The following RALGPS1 variants were observed in gnomAD, a reference collection of about 807,000 sequenced individuals.
RALGPS1 encodes the protein Ral GEF with PH domain and SH3 binding motif 1, also known as ras-specific guanine nucleotide-releasing factor RalGPS1.
Under a neutral mutation model 78.8 loss-of-function variants are expected in RALGPS1, and 19 were observed. That is an observed-to-expected ratio of 0.24 (90% CI 0.17 to 0.35). The LOEUF is 0.35. Ranked by LOEUF, RALGPS1 falls within the 10% of genes least tolerant of loss-of-function variation. RALGPS1 has a pLI of 1.00. For missense variants in RALGPS1, 454 were observed against 688.3 expected (o/e 0.66, Z 3.81); for synonymous variants, 228 against 256.3 (o/e 0.89, Z 1.06).
intron 8 of RALGPS1, among the ~76,000 whole-genome samples, chr9:127,137,421 G>A (rs1162480609): frequency 1.3e-5 from 2 of 152,250 alleles, no homozygotes; most frequent in Non-Finnish European, 2.9e-5. Context: ...CACATGGAGA[G>A]GCTGAGTGAC....
chr9:126,995,501 C>G (rs550873355), intron 4 of RALGPS1, among the ~76,000 whole-genome samples: 34 of 152,308 alleles, frequency 2.2e-4, no homozygotes, highest in Admixed American at 7.8e-4. Flanking sequence ...TATATATGCA[C>G]CCAATACTGG....
chr9:126,920,009 T>A (rs1340395243), intron 1 of RALGPS1, among the ~76,000 whole-genome samples: 1 of 152,190 alleles, frequency 6.6e-6, no homozygotes, highest in Non-Finnish European at 1.5e-5. Context: ...CTCCTATTTG[T>A]ACTCCCTTGA....
rs1287326985 is a variant in RALGPS1, at chr9:127,183,543, T to C, written c.910+8761T>C. On this transcript the variant is annotated intron_variant, in intron 11 of 18. Coordinates refer to ENST00000259351, the MANE Select transcript of RALGPS1 (RefSeq NM_014636.3). The surrounding 1 kb of genome is among the most constrained non-coding windows in gnomAD (Gnocchi z 4.0). ...ACAGACCTGCCTGTGGCCACCGCTG[T>C]CTTCTGGCACAGCCGTTTGGCCTCA... 6.6e-6 allele frequency among the ~76,000 whole-genome samples: 1 copy of C among 152,174 alleles called. No homozygotes were observed. Among genetic ancestry groups the C allele is most frequent in the African/African-American group, 2.4e-5 (1 of 41,442 alleles).
intron 1 of RALGPS1, among the ~76,000 whole-genome samples, chr9:126,952,648 A>AGTGTGTGTGTGTGTGT (rs1370007469): frequency 1.3e-5 from 1 of 75,528 alleles, no homozygotes. Context: ...AGAGAGAGAG[A>AGTGTGTGTGTGTGTGT]GAGAGAGAGT....
chr9:127,164,644 A>G (rs1002457017), intron 8 of RALGPS1, among the ~76,000 whole-genome samples: 1 of 150,244 alleles, frequency 6.7e-6, no homozygotes, highest in African/African-American at 2.5e-5. Flanking sequence ...GGCTCAAGCA[A>G]TCCTCCTGCT....
intron 6 of RALGPS1, among the ~76,000 whole-genome samples, chr9:127,050,378 G>A (rs1177123539): frequency 6.6e-6 from 1 of 152,092 alleles, no homozygotes; most frequent in African/African-American, 2.4e-5. Flanking sequence ...AATTTTAGTG[G>A]CCAGCCATTC....
At chr9:127,026,361 A>G (rs1025422989) in intron 4 of RALGPS1, among the ~76,000 whole-genome samples, 1 of 152,196 alleles carries the variant, frequency 6.6e-6, no homozygotes, top group Non-Finnish European at 1.5e-5. Context: ...CACTGACTCA[A>G]ATGTTAATCT....
chr9:127,188,423 A>G (rs979368577), intron 11 of RALGPS1, among the ~76,000 whole-genome samples: 4 of 152,112 alleles, frequency 2.6e-5, no homozygotes, highest in African/African-American at 9.7e-5. Context: ...TGTGAAGTCT[A>G]AGCCACAAAC....
intron 8 of RALGPS1, among the ~76,000 whole-genome samples, chr9:127,134,011 C>G (rs187476249): frequency 2.0e-4 from 30 of 150,468 alleles, no homozygotes; most frequent in East Asian, 5.9e-4. Context: ...CTCGCTCCCC[C>G]CCCCGTGAAT....
At chr9:126,998,686 A>G (rs1003104779) in intron 4 of RALGPS1, among the ~76,000 whole-genome samples, 8 of 152,188 alleles carry the variant, frequency 5.3e-5, no homozygotes, top group South Asian at 2.1e-4. Context: ...CCAAAGGACT[A>G]TAAATCATGC....
intron 8 of RALGPS1, among the ~76,000 whole-genome samples, chr9:127,135,432 C>G (rs1053642249): frequency 2.0e-5 from 3 of 152,168 alleles, no homozygotes; most frequent in Non-Finnish European, 2.9e-5. Flanking sequence ...GGCTGCTGTA[C>G]CAAGCAAGGG....
Position 126,942,948 on chromosome 9 carries a change from G to A in RALGPS1, c.-65-19277G>A, listed in dbSNP as rs187582234. ...GGATATTTTTCTCTTTTGTTAGTGG[G>A]CTCTTGGGCCATTACGCTTTCTAGC... On this transcript the variant is annotated intron_variant, in intron 1 of 18. Coordinates refer to ENST00000259351, the MANE Select transcript of RALGPS1 (RefSeq NM_014636.3). Among the ~76,000 whole-genome samples the A allele has an allele frequency of 1.5e-4, 23 of 152,000 alleles. No homozygotes were observed. In the South Asian group the frequency reaches 4.2e-3, roughly 27 times the overall value.
In RALGPS1 at chr9:127,093,683, G is replaced by A. The variant is rs750276713; in HGVS notation, c.610+24327G>A. On this transcript the variant is annotated intron_variant, in intron 8 of 18. Transcript: ENST00000259351. ...ATTGGTTGCTCAGGCCTCTCTTGGG[G>A]TGGGCCAGTCACCTTGTGGGCAGCA... 7 of 1,600,902 alleles carry A rather than the reference G, an allele frequency of 4.4e-6. No homozygotes were observed. The Admixed American group carries it at 6.7e-5, about 15-fold the overall frequency.
Position 126,977,748 on chromosome 9 carries a change from C to CTT in RALGPS1, c.216+4_216+5insTT. ...TGTTTAAAGCTATCCAGCCGGAGGTCTGTACTTTGTCTTTCTACTCTTCTA... is the reference window on the plus strand; with the variant it reads ...TGTTTAAAGCTATCCAGCCGGAGGTCTTTGTACTTTGTCTTTCTACTCTTCTA... On this transcript the variant is annotated splice_donor_region_variant and intron_variant, in intron 4 of 18. Transcript: ENST00000259351. 1 of 1,597,914 alleles carries CTT rather than the reference C, an allele frequency of 6.3e-7. No individual in the cohort carries two copies. The highest frequency in any genetic ancestry group is 8.5e-7 in the Non-Finnish European group (1 of 1,169,858).
At chr9:126,941,130 GC>G (rs11434207) in intron 1 of RALGPS1, among the ~76,000 whole-genome samples, 36 of 150,268 alleles carry the variant, frequency 2.4e-4, no homozygotes, top group Middle Eastern at 3.4e-3. Flanking sequence ...TCTCATATAC[GC>G]CCCCCCCCTT....
At chr9:127,068,640 G>C (rs983158548) in intron 7 of RALGPS1, among the ~76,000 whole-genome samples, 2 of 152,132 alleles carry the variant, frequency 1.3e-5, no homozygotes, top group Non-Finnish European at 2.9e-5. Flanking sequence ...GCCCTGGAGG[G>C]TTCTTGGCTT....
intron 11 of RALGPS1, among the ~76,000 whole-genome samples, chr9:127,180,274 A>G (rs184074842): frequency 1.3e-5 from 2 of 152,338 alleles, no homozygotes; most frequent in East Asian, 3.9e-4. Context: ...ACCAACTGAC[A>G]GGTTTTCTCA....
intron 11 of RALGPS1, 95 bp from the exon 12 acceptor site, chr9:127,194,996 A>C: frequency 6.7e-7 from 1 of 1,493,674 alleles, no homozygotes; most frequent in Non-Finnish European, 9.2e-7. Context: ...CTGTACTTCA[A>C]ACCCGGGGCC....
chr9:127,210,400 G>C (rs770705617), intron 14 of RALGPS1: 1 of 443,314 alleles, frequency 2.3e-6, no homozygotes, highest in Non-Finnish European at 4.1e-6. Context: ...GCAAGTGGGC[G>C]TGCCTGGATT....
Sources: gnomAD v4.1 joint callset for allele counts (sites outside exome capture counted in the v4.1 genomes callset) on GRCh38, gnomAD v4.1.1 for gene constraint, Gnocchi (gnomAD v3.1) non-coding constraint, MANE v1.5 for transcripts, NCBI Gene and HGNC (gene_info 2026-07-23, HGNC 2026-07-21) for gene names.